Variants in DIPK1A observed in about 807,000 individuals in gnomAD.
DIPK1A encodes divergent protein kinase domain 1A, also known as family with sequence similarity 69 member A.
A neutral mutation model predicts 40.8 loss-of-function variants in DIPK1A; 27 were observed. That is an observed-to-expected ratio of 0.66 (90% CI 0.49 to 0.91). The LOEUF (loss-of-function observed/expected upper bound fraction) is 0.91. Among genes scored for constraint, DIPK1A ranks in the 40% least tolerant of loss-of-function variants. The probability of loss-of-function intolerance (pLI) is 0.00; values close to 1 mark genes in which losing one functional copy is unlikely to be tolerated. For missense variants in DIPK1A, 412 were observed against 505.7 expected (o/e 0.81, Z 1.78); for synonymous variants, 166 against 171.3 (o/e 0.97, Z 0.24).
intron 1 of DIPK1A, among the ~76,000 whole-genome samples, chr1:92,914,228 C>T (rs189097158): frequency 4.0e-5 from 6 of 150,544 alleles, no homozygotes; most frequent in South Asian, 2.1e-4. Flanking sequence ...ATTGGATTAA[C>T]GAGCATTAAA....
At chr1:92,927,458 C>G (rs184202196) in intron 1 of DIPK1A, among the ~76,000 whole-genome samples, 1 of 150,268 alleles carries the variant, frequency 6.7e-6, no homozygotes, top group East Asian at 2.0e-4. Flanking sequence ...TCTCCCACCT[C>G]AGCCTCCCCA....
At position 92,842,199 on chromosome 1, in the gene DIPK1A, A is replaced by G; in HGVS notation, c.*1184T>C. The stretch of plus-strand genomic sequence containing the variant: ...TCCATCCATTTATTATAACCAGATG[A>G]TGAATGGGAAAAGTACCTTAAAGTA... On this transcript the variant is annotated 3_prime_UTR_variant, in exon 5 of 5. Coordinates refer to ENST00000370310, the MANE Select transcript of DIPK1A (RefSeq NM_001006605.5). 9.9e-7 allele frequency: 1 copy of G among 1,008,634 alleles called. No homozygotes were observed. The highest frequency in any genetic ancestry group is 1.2e-6 in the Non-Finnish European group (1 of 844,624). 62.5% of individuals were successfully genotyped at this position (1,008,634 alleles called of 1,614,324 possible). A position where few individuals can be genotyped will look rare whatever the true frequency, so the allele number is the denominator to read the frequency against.
intron 2 of DIPK1A, among the ~76,000 whole-genome samples, chr1:92,854,323 A>G (rs749280626): frequency 2.5e-4 from 38 of 152,258 alleles, no homozygotes; most frequent in Non-Finnish European, 4.1e-4. Context: ...AAGAAAACAG[A>G]AACAGAAATA....
intron 1 of DIPK1A, among the ~76,000 whole-genome samples, chr1:92,892,671 GAGA>G (rs1648949530): frequency 1.3e-5 from 2 of 152,206 alleles, no homozygotes; most frequent in African/African-American, 4.8e-5. Flanking sequence ...GACGAGTTGA[GAGA>G]AGAAGGCTTC....
chr1:92,949,874 T>C (rs906159596), intron 1 of DIPK1A, among the ~76,000 whole-genome samples: 3 of 152,224 alleles, frequency 2.0e-5, no homozygotes, highest in African/African-American at 7.2e-5. Flanking sequence ...TTTACAATTA[T>C]GTATGCTGAT....
intron 4 of DIPK1A, chr1:92,833,117 A>G (rs1302322673): frequency 1.5e-6 from 1 of 688,596 alleles, no homozygotes; most frequent in African/African-American, 1.8e-5. Context: ...TGTTAAATGT[A>G]ATAAATTGGG....
At chr1:92,902,243 G>A (rs537358077) in intron 1 of DIPK1A, among the ~76,000 whole-genome samples, 1 of 152,320 alleles carries the variant, frequency 6.6e-6, no homozygotes, top group East Asian at 1.9e-4. Flanking sequence ...CAAGAGACAG[G>A]TTACTACTTC....
intron 2 of DIPK1A, among the ~76,000 whole-genome samples, chr1:92,854,097 G>A (rs1265000454): frequency 6.6e-6 from 1 of 152,104 alleles, no homozygotes; most frequent in African/African-American, 2.4e-5. Context: ...TTGTTGCCCA[G>A]GCTGGTTTCA....
intron 3 of DIPK1A, among the ~76,000 whole-genome samples, chr1:92,848,390 C>T (rs1687706174): frequency 6.6e-6 from 1 of 152,126 alleles, no homozygotes; most frequent in South Asian, 2.1e-4. Context: ...CCACGTACTC[C>T]GTTTCTCAAA....
At chr1:92,895,059 A>G (rs1440240997) in intron 1 of DIPK1A, among the ~76,000 whole-genome samples, 4 of 152,098 alleles carry the variant, frequency 2.6e-5, no homozygotes, top group African/African-American at 4.8e-5. Context: ...ACTCACAGCC[A>G]AATTCTACCA....
chr1:92,899,391 G>A (rs545708235), intron 1 of DIPK1A, among the ~76,000 whole-genome samples: 2 of 152,182 alleles, frequency 1.3e-5, no homozygotes, highest in South Asian at 4.1e-4. Context: ...GGTTCCATTT[G>A]TGTGAAATAT....
rs1424365279 is a variant in DIPK1A, at chr1:92,950,005, C to A, written c.54+11371G>T. ...CTGGGATGGAAGAAGGATATGGAAA[C>A]CACTGACAACATTTCAGTCTTCTAA... is the stretch of plus-strand genomic sequence containing the variant. On this transcript the variant is annotated intron_variant, in intron 1 of 4. Coordinates refer to ENST00000370310, the MANE Select transcript of DIPK1A (RefSeq NM_001006605.5). Among the ~76,000 whole-genome samples, 3 of 152,168 alleles carry A rather than the reference C, an allele frequency of 2.0e-5. No individual in the cohort carries two copies. The East Asian group carries it at 5.8e-4, about 29-fold the overall frequency.
chr1:92,953,307 G>T (rs934382912), intron 1 of DIPK1A, among the ~76,000 whole-genome samples: 1 of 151,390 alleles, frequency 6.6e-6, no homozygotes, highest in Admixed American at 6.6e-5. Flanking sequence ...TGTATTGTTG[G>T]TGGGAATGTA....
chr1:92,867,812 T>C (rs1180945490), intron 2 of DIPK1A, among the ~76,000 whole-genome samples: 1 of 152,146 alleles, frequency 6.6e-6, no homozygotes, highest in East Asian at 1.9e-4. Context: ...GGCCGTAAAC[T>C]GCTTATTACA....
chr1:92,834,977 G>T, intron 4 of DIPK1A: 1 of 1,596,504 alleles, frequency 6.3e-7, no homozygotes, highest in Non-Finnish European at 8.5e-7. Flanking sequence ...TTTTCTGCAA[G>T]ATGTTTGTAC....
intron 1 of DIPK1A, among the ~76,000 whole-genome samples, chr1:92,891,999 A>C (rs1173413946): frequency 1.3e-5 from 2 of 151,960 alleles, no homozygotes; most frequent in African/African-American, 4.8e-5. Context: ...TAGGTAAACA[A>C]CGCGGCCAGG....
At chr1:92,841,634 TG>T (rs2100699727), downstream of DIPK1A, 2 of 542,820 alleles carry the variant, frequency 3.7e-6, no homozygotes, top group Non-Finnish European at 6.0e-6. Flanking sequence ...TATTTGAACT[TG>T]GATTATTTAA....
chr1:92,856,696 C>T (rs528120782), intron 2 of DIPK1A, among the ~76,000 whole-genome samples: 43 of 152,064 alleles, frequency 2.8e-4, no homozygotes, highest in Non-Finnish European at 5.1e-4. Context: ...GGATTACAGG[C>T]GTGAACCACT....
At chr1:92,939,194 G>A (rs963560211) in intron 1 of DIPK1A, among the ~76,000 whole-genome samples, 4 of 152,070 alleles carry the variant, frequency 2.6e-5, no homozygotes, top group East Asian at 1.9e-4. Flanking sequence ...GAGTCACCAC[G>A]CCTGGCCTTC....
Sources: gnomAD v4.1 joint callset for allele counts (sites outside exome capture counted in the v4.1 genomes callset) on GRCh38, gnomAD v4.1.1 for gene constraint, MANE v1.5 for transcripts, NCBI Gene and HGNC (gene_info 2026-07-23, HGNC 2026-07-21) for gene names.